PPP6R2: variants seen among roughly 807,000 people sequenced by gnomAD.
PPP6R2 encodes the protein serine/threonine-protein phosphatase 6 regulatory subunit 2.
In PPP6R2, 62 loss-of-function variants were observed where a neutral mutation model predicts 100.2. The observed-to-expected ratio is 0.62, with a 90% CI of 0.50 to 0.76. The LOEUF (loss-of-function observed/expected upper bound fraction) is 0.76. Ranked by LOEUF, PPP6R2 falls within the 30% of genes least tolerant of loss-of-function variation. The pLI is 0.00. For missense variants in PPP6R2, 1,142 were observed against 1,276.3 expected, an observed-to-expected ratio of 0.89 and a Z score of 1.60; for synonymous variants, 525 against 514.7, an observed-to-expected ratio of 1.02 and a Z score of -0.27.
chr22:50,412,886 C>G (rs1233511681), intron 4 of PPP6R2, among the ~76,000 whole-genome samples: 1 of 151,360 alleles, frequency 6.6e-6, no homozygotes, highest in Non-Finnish European at 1.5e-5. Flanking sequence ...CTCAGGTGAT[C>G]CACCTGCCTC....
intron 3 of PPP6R2, among the ~76,000 whole-genome samples, chr22:50,402,709 CA>C (rs1175164335): frequency 6.6e-6 from 1 of 152,200 alleles, no homozygotes; most frequent in African/African-American, 2.4e-5. Context: ...GGAATATGAA[CA>C]AGCCTGTGTG....
rs1269972307 is a variant in PPP6R2, at chr22:50,437,541, C to T, written c.1719C>T (p.Ala573=). 5.0e-6 allele frequency: 8 copies of T among 1,609,504 alleles called. No homozygotes were observed. The highest frequency in any genetic ancestry group is 4.0e-5 in the African/African-American group (3 of 74,402). ...FSDYQIQQMT[A]NFVDQFGFND... Reference sequence around the variant, plus strand: ...ACTACCAGATCCAGCAGATGACAGCCAACTTCGTGGATCAGTTTGGCTTCA... The same window carrying T: ...ACTACCAGATCCAGCAGATGACAGCTAACTTCGTGGATCAGTTTGGCTTCA... The change falls in exon 16 of 24, where the codon GCC becomes GCT. Residue 573 remains alanine (A), a synonymous_variant. Coordinates refer to ENST00000612753, the MANE Select transcript of PPP6R2 (RefSeq NM_001242898.2).
At chr22:50,385,887 G>A (rs1199214686) in intron 2 of PPP6R2, among the ~76,000 whole-genome samples, 4 of 120,898 alleles carry the variant, frequency 3.3e-5, no homozygotes, top group Non-Finnish European at 6.5e-5. Flanking sequence ...GCAGTGACTC[G>A]ATCTAGGCTC....
At position 50,418,965 on chromosome 22, in the gene PPP6R2, C is replaced by T. The variant is rs771471286; in HGVS notation, c.717C>T (p.Leu239=). The T allele has an allele frequency of 6.2e-7, 1 of 1,613,306 alleles. No homozygotes were observed. The highest frequency in any genetic ancestry group is 1.1e-5 in the South Asian group (1 of 90,996). ...AGGCTCTGGAGCCAGACCCGCTCCT[C>T]ACAGCGCTGGAGTCGTGAGTGCTGG... ...LQEALEPDPL[L]TALESQDCVE... Residue 239 remains leucine (L), a synonymous_variant, in exon 7 of 24, where the codon CTC becomes CTT. Coordinates refer to ENST00000612753, the MANE Select transcript of PPP6R2 (RefSeq NM_001242898.2).
intron 4 of PPP6R2, among the ~76,000 whole-genome samples, chr22:50,412,630 CTTTTTTTTTTTTTT>C (rs398037412): frequency 1.3e-5 from 1 of 79,866 alleles, no homozygotes; most frequent in African/African-American, 5.8e-5. Context: ...TAAATAAGTC[CTTTTTTTTTTTTTT>C]TTTTTTTTTT....
At chr22:50,338,852 GTGTGTGA>G (rs1362345793), upstream of PPP6R2, among the ~76,000 whole-genome samples, 9 of 142,828 alleles carry the variant, frequency 6.3e-5, no homozygotes, top group South Asian at 2.3e-4. Flanking sequence ...GTGGTGTGTG[GTGTGTGA>G]TGTGTGTGGT....
chr22:50,349,623 C>G (rs1040743728), intron 1 of PPP6R2, among the ~76,000 whole-genome samples: 3 of 151,878 alleles, frequency 2.0e-5, no homozygotes, highest in African/African-American at 7.3e-5. Context: ...GTCAGGAATT[C>G]GAGACCAGCC....
At chr22:50,414,796 C>A in intron 5 of PPP6R2, 107 bp downstream of exon 5, 1 of 1,282,912 alleles carries the variant, frequency 7.8e-7, no homozygotes, top group Non-Finnish European at 1.1e-6. Context: ...CCCATCTCTC[C>A]ACCTAGCGTG....
chr22:50,336,577 A>G, the PPP6R2 span, among the ~76,000 whole-genome samples: 2 of 150,350 alleles, frequency 1.3e-5, no homozygotes, highest in African/African-American at 4.9e-5. Context: ...ATTTTTTTTT[A>G]GAGACTGGGT....
chr22:50,393,536 G>A (rs2056094763), intron 2 of PPP6R2: 1 of 984,264 alleles, frequency 1.0e-6, no homozygotes, highest in Non-Finnish European at 1.2e-6. Context: ...GTGGGTGGGG[G>A]ACAGTGTGGG....
intron 2 of PPP6R2, among the ~76,000 whole-genome samples, chr22:50,379,185 C>T (rs2052338134): frequency 1.3e-5 from 2 of 152,044 alleles, no homozygotes; most frequent in African/African-American, 2.4e-5. Flanking sequence ...AGACACAGTC[C>T]TTTACTAAAT....
chr22:50,394,733 C>T (rs769837075), intron 3 of PPP6R2, among the ~76,000 whole-genome samples: 58 of 151,530 alleles, frequency 3.8e-4, no homozygotes, highest in Admixed American at 6.6e-4. Context: ...GGTGAAACCC[C>T]GTCTCTACTA....
rs187089990 is a variant in PPP6R2, at chr22:50,370,344, A to G, written c.-147-1676A>G. Among the ~76,000 whole-genome samples the G allele has an allele frequency of 9.4e-3, 1,425 of 151,250 alleles. 26 individuals carry two copies. Among genetic ancestry groups the G allele is most frequent in the African/African-American group, 0.032 (1,330 of 41,250 alleles). On this transcript the variant is annotated intron_variant, in intron 1 of 23. Coordinates refer to ENST00000612753, the MANE Select transcript of PPP6R2 (RefSeq NM_001242898.2). ...GCACTGTCACCAGGGCTGGAGTGCA[A>G]TGGCGCGATCTCGGCTCACTGCAAC...
intron 3 of PPP6R2, among the ~76,000 whole-genome samples, chr22:50,395,828 A>G (rs539057226): frequency 6.7e-4 from 101 of 150,170 alleles, no homozygotes; most frequent in African/African-American, 2.3e-3. Context: ...CGGCCTCCCA[A>G]AGTGCTGGGA....
chr22:50,382,207 T>C (rs905074219), intron 2 of PPP6R2, among the ~76,000 whole-genome samples: 1 of 152,210 alleles, frequency 6.6e-6, no homozygotes, highest in African/African-American at 2.4e-5. Context: ...GGTGATACTA[T>C]TATGTATGTA....
At chr22:50,358,670 T>C (rs1433124675) in intron 1 of PPP6R2, among the ~76,000 whole-genome samples, 1 of 152,188 alleles carries the variant, frequency 6.6e-6, no homozygotes, top group African/African-American at 2.4e-5. Context: ...ACTCTATCCT[T>C]TCCCTCCTTC....
the PPP6R2 span, among the ~76,000 whole-genome samples, chr22:50,336,869 G>A: frequency 6.6e-6 from 1 of 151,814 alleles, no homozygotes; most frequent in Non-Finnish European, 1.5e-5. Flanking sequence ...ACCATGCCCA[G>A]CTAATTTTAA....
intron 22 of PPP6R2, 128 bp downstream of exon 22, chr22:50,441,154 C>A: frequency 1.2e-6 from 1 of 861,484 alleles, no homozygotes; most frequent in East Asian, 2.7e-5. Context: ...ACTGCCTCCC[C>A]CATGGCCCCG....
chr22:50,399,896 A>G (rs1299768672), intron 3 of PPP6R2, among the ~76,000 whole-genome samples: 1 of 152,260 alleles, frequency 6.6e-6, no homozygotes, highest in African/African-American at 2.4e-5. Flanking sequence ...GGTCAGCCCT[A>G]GAGCCTGGGG....
Sources: allele counts gnomAD v4.1 joint callset (sites outside exome capture counted in the v4.1 genomes callset), GRCh38; gene constraint gnomAD v4.1.1; transcripts MANE v1.5; gene names NCBI Gene and HGNC (gene_info 2026-07-23, HGNC 2026-07-21).